DIAPH3: variants seen among roughly 807,000 people sequenced by gnomAD.
The protein encoded by DIAPH3 is protein diaphanous homolog 3.
DIAPH3 carries 117 observed loss-of-function variants against 144.3 expected under a neutral mutation model. The observed-to-expected ratio is 0.81, with a 90% CI of 0.70 to 0.95. The LOEUF (loss-of-function observed/expected upper bound fraction) is 0.95, where lower values mean the gene tolerates loss of function less well. Among genes scored for constraint, DIAPH3 ranks in the 40% least tolerant of loss-of-function variants. DIAPH3 has a pLI of 0.00. For missense variants in DIAPH3, 1,421 were observed against 1,412.7 expected, an observed-to-expected ratio of 1.01 and a Z score of -0.09; for synonymous variants, 519 against 488.9, an observed-to-expected ratio of 1.06 and a Z score of -0.81.
chr13:59,901,783 C>G (rs573297526), intron 20 of DIAPH3, among the ~76,000 whole-genome samples: 2 of 152,268 alleles, frequency 1.3e-5, no homozygotes, highest in Non-Finnish European at 2.9e-5. Flanking sequence ...AACTCAAAGT[C>G]TAAGTTTCTC....
chr13:59,865,232 T>C (rs1260188140), intron 21 of DIAPH3, among the ~76,000 whole-genome samples: 16 of 151,944 alleles, frequency 1.1e-4, no homozygotes, highest in Admixed American at 1.1e-3. Context: ...TTGCTCAATA[T>C]TTTTTTCATT....
intron 27 of DIAPH3, among the ~76,000 whole-genome samples, chr13:59,667,469 GAAT>G (rs1473607872): frequency 6.6e-6 from 1 of 152,176 alleles, no homozygotes; most frequent in East Asian, 1.9e-4. Context: ...ACATTAGCTT[GAAT>G]AATAATGAGA....
At chr13:59,958,166 A>G (rs1566572513) in intron 17 of DIAPH3, among the ~76,000 whole-genome samples, 1 of 152,196 alleles carries the variant, frequency 6.6e-6, no homozygotes, top group Admixed American at 6.5e-5. Flanking sequence ...TAAACTTTAT[A>G]TACTGTATTT....
At chr13:60,087,958 C>T (rs2057802904) in intron 4 of DIAPH3, among the ~76,000 whole-genome samples, 1 of 152,140 alleles carries the variant, frequency 6.6e-6, no homozygotes, top group Admixed American at 6.5e-5. Flanking sequence ...TCTATCACAA[C>T]TTCTGACTCC....
chr13:60,079,791 T>C (rs1215135405), intron 4 of DIAPH3, among the ~76,000 whole-genome samples: 1 of 151,994 alleles, frequency 6.6e-6, no homozygotes, highest in Admixed American at 6.6e-5. Flanking sequence ...TTTTTTCTTA[T>C]ACCCAGTTTT....
At chr13:60,097,169 T>TA (rs982712416) in intron 3 of DIAPH3, among the ~76,000 whole-genome samples, 1 of 152,092 alleles carries the variant, frequency 6.6e-6, no homozygotes, top group African/African-American at 2.4e-5. Context: ...AGTCCTAGTA[T>TA]AAAAAACCAA....
intron 4 of DIAPH3, among the ~76,000 whole-genome samples, chr13:60,087,164 A>T (rs778830068): frequency 6.6e-6 from 1 of 152,198 alleles, no homozygotes; most frequent in Non-Finnish European, 1.5e-5. Context: ...GTTTTTCCAA[A>T]TATTTTCAAC....
intron 20 of DIAPH3, among the ~76,000 whole-genome samples, chr13:59,905,342 CAAAAAAAAAAAAA>C (rs59114311): frequency 5.2e-4 from 36 of 69,742 alleles, no homozygotes; most frequent in Admixed American, 5.6e-4. Context: ...GACTCTGTCT[CAAAAAAAAAAAAA>C]AAAAAAAAAA....
chr13:59,791,043 G>C (rs1016135246), intron 25 of DIAPH3, among the ~76,000 whole-genome samples: 2 of 152,158 alleles, frequency 1.3e-5, no homozygotes, highest in African/African-American at 2.4e-5. Flanking sequence ...CACAATCATA[G>C]CTCGCTATAA....
intron 4 of DIAPH3, among the ~76,000 whole-genome samples, chr13:60,051,271 G>A (rs1455207105): frequency 6.6e-6 from 1 of 152,026 alleles, no homozygotes; most frequent in Non-Finnish European, 1.5e-5. Flanking sequence ...TGATGAGAAT[G>A]ACCAAGAAAA....
chr13:59,741,266 T>C (rs1199549420), intron 27 of DIAPH3, among the ~76,000 whole-genome samples: 1 of 152,170 alleles, frequency 6.6e-6, no homozygotes. Context: ...AGTGTATCTA[T>C]AGAGAACAAA....
intron 18 of DIAPH3, among the ~76,000 whole-genome samples, chr13:59,916,521 T>C (rs1171527710): frequency 2.0e-5 from 3 of 152,062 alleles, no homozygotes; most frequent in Non-Finnish European, 4.4e-5. Flanking sequence ...TTATCTACCA[T>C]AGGAATGATG....
intron 17 of DIAPH3, among the ~76,000 whole-genome samples, chr13:59,950,992 A>G (rs755884594): frequency 2.6e-5 from 4 of 152,146 alleles, no homozygotes; most frequent in Non-Finnish European, 5.9e-5. Flanking sequence ...TTTCTGTAAC[A>G]TAATTATTCT....
chr13:59,912,929 C>CA (rs1432031297), intron 19 of DIAPH3, among the ~76,000 whole-genome samples: 3 of 149,834 alleles, frequency 2.0e-5, no homozygotes, highest in South Asian at 2.1e-4. Flanking sequence ...AAAAACAAAA[C>CA]AAAAAAAAAG....
chr13:59,874,374 C>T (rs1012505003), intron 21 of DIAPH3, among the ~76,000 whole-genome samples: 1 of 152,088 alleles, frequency 6.6e-6, no homozygotes, highest in African/African-American at 2.4e-5. Context: ...ATGTTTGTTG[C>T]TGTTTCTATT....
At chr13:59,933,587 G>T (rs867616567) in intron 17 of DIAPH3, among the ~76,000 whole-genome samples, 3 of 152,144 alleles carry the variant, frequency 2.0e-5, no homozygotes, top group Admixed American at 6.5e-5. Context: ...ATCTATACTT[G>T]TGATCTAGCT....
chr13:59,851,371 C>T (rs76770448), intron 22 of DIAPH3, among the ~76,000 whole-genome samples: 1,558 of 152,236 alleles, frequency 0.01, 20 homozygotes, highest in African/African-American at 0.035. Context: ...GGCCTCTCTA[C>T]GACTCTTTTA....
intron 1 of DIAPH3, among the ~76,000 whole-genome samples, chr13:60,137,512 C>T (rs543397066): frequency 6.6e-6 from 1 of 152,260 alleles, no homozygotes; most frequent in Admixed American, 6.5e-5. Context: ...AGATGCCAAG[C>T]TGTAGCCCAA....
At chr13:59,856,126 C>T (rs2043240382) in intron 22 of DIAPH3, among the ~76,000 whole-genome samples, 1 of 152,094 alleles carries the variant, frequency 6.6e-6, no homozygotes, top group Non-Finnish European at 1.5e-5. Flanking sequence ...TTGAAGCATA[C>T]TTGCAATTAT....
Sources: gnomAD v4.1 joint callset for allele counts (sites outside exome capture counted in the v4.1 genomes callset) on GRCh38, gnomAD v4.1.1 for gene constraint, MANE v1.5 for transcripts, NCBI Gene and HGNC (gene_info 2026-07-23, HGNC 2026-07-21) for gene names.